Variants in RNLS observed in about 807,000 individuals in gnomAD.
The protein encoded by RNLS is renalase, FAD dependent amine oxidase.
In RNLS, 39 loss-of-function variants were observed where a neutral mutation model predicts 39.8. The ratio of observed to expected loss-of-function variants is 0.98; its 90% CI spans 0.76 to 1.28. The LOEUF (loss-of-function observed/expected upper bound fraction) is 1.28. RNLS is among the 50% of genes most tolerant of loss of function. The pLI is 0.00. For synonymous variants in RNLS, 147 were observed against 150.7 expected (o/e 0.98, Z 0.18); for missense variants, 410 against 413.3 (o/e 0.99, Z 0.07).
At chr10:88,563,514 T>A (rs1395624403) in intron 4 of RNLS, among the ~76,000 whole-genome samples, 1 of 152,126 alleles carries the variant, frequency 6.6e-6, no homozygotes, top group African/African-American at 2.4e-5. Flanking sequence ...TATACTGTAA[T>A]ATAGTTTTGA....
chr10:88,472,800 T>A (rs1336506068), intron 4 of RNLS, among the ~76,000 whole-genome samples: 1 of 152,118 alleles, frequency 6.6e-6, no homozygotes, highest in Non-Finnish European at 1.5e-5. Flanking sequence ...TGAATTCAAG[T>A]CTCTAGCACA....
chr10:88,451,570 T>C (rs1288432009), intron 4 of RNLS, among the ~76,000 whole-genome samples: 1 of 152,192 alleles, frequency 6.6e-6, no homozygotes, highest in African/African-American at 2.4e-5. Flanking sequence ...CTGGGTAATA[T>C]GCAATGTAAA....
chr10:88,237,443 C>A, the RNLS span, among the ~76,000 whole-genome samples: 2 of 152,068 alleles, frequency 1.3e-5, no homozygotes, highest in Non-Finnish European at 2.9e-5. Context: ...TGTCATGAGC[C>A]TATTAGACAT....
the RNLS span, among the ~76,000 whole-genome samples, chr10:88,240,162 T>A: frequency 1.2e-4 from 18 of 152,264 alleles, no homozygotes; most frequent in Non-Finnish European, 2.6e-4. Flanking sequence ...AACTCTACAT[T>A]TTCTATATAC....
At chr10:88,376,928 A>G (rs1308179446) in intron 4 of RNLS, among the ~76,000 whole-genome samples, 2 of 152,146 alleles carry the variant, frequency 1.3e-5, no homozygotes, top group Non-Finnish European at 2.9e-5. Flanking sequence ...TAAAAATACT[A>G]CCATATAAAC....
chr10:88,295,725 G>A (rs1384324169), intron 6 of RNLS, among the ~76,000 whole-genome samples: 1 of 152,138 alleles, frequency 6.6e-6, no homozygotes, highest in African/African-American at 2.4e-5. Flanking sequence ...GGTAGATGCA[G>A]GCAGAATGTG....
chr10:88,497,950 A>G (rs1012383352), intron 4 of RNLS, among the ~76,000 whole-genome samples: 1 of 152,072 alleles, frequency 6.6e-6, no homozygotes, highest in African/African-American at 2.4e-5. Flanking sequence ...AGAGAAAAAA[A>G]AAAACCCAAA....
At chr10:88,490,903 CAT>C (rs981061287) in intron 4 of RNLS, among the ~76,000 whole-genome samples, 2 of 152,056 alleles carry the variant, frequency 1.3e-5, no homozygotes, top group African/African-American at 2.4e-5. Context: ...AATAAATTAA[CAT>C]AGACTATCAA....
chr10:88,397,734 A>T (rs1852650151), intron 4 of RNLS, among the ~76,000 whole-genome samples: 1 of 151,986 alleles, frequency 6.6e-6, no homozygotes, highest in African/African-American at 2.4e-5. Context: ...TAACAAGCTT[A>T]TTTTAAAAGT....
chr10:88,437,034 T>C (rs957898296), intron 4 of RNLS, among the ~76,000 whole-genome samples: 3 of 152,266 alleles, frequency 2.0e-5, no homozygotes, highest in Non-Finnish European at 4.4e-5. Flanking sequence ...GTTTGGGGGC[T>C]AATGTATAAT....
intron 4 of RNLS, among the ~76,000 whole-genome samples, chr10:88,571,026 C>T (rs1849799431): frequency 6.6e-6 from 1 of 150,588 alleles, no homozygotes; most frequent in Admixed American, 6.6e-5. Flanking sequence ...CTCTGTCACC[C>T]AGGCTAGAGG....
intron 4 of RNLS, among the ~76,000 whole-genome samples, chr10:88,424,536 C>A (rs1854598704): frequency 6.6e-6 from 1 of 152,098 alleles, no homozygotes. Flanking sequence ...AAAGAGATGG[C>A]TCTATGCCCA....
At chr10:88,271,723 G>A (rs1283534592), downstream of RNLS, among the ~76,000 whole-genome samples, 1 of 152,182 alleles carries the variant, frequency 6.6e-6, no homozygotes, top group African/African-American at 2.4e-5. Flanking sequence ...TGGTTGCCAA[G>A]TATGGGTTGC....
chr10:88,471,268 A>G lies in RNLS; in HGVS notation c.526+101635T>C, dbSNP rs1843504364. ...TTAATAGATAACTGAATTATTTCCA[A>G]TTTTGACTTCAATAAATAAGACTGC... is the stretch of plus-strand genomic sequence containing the variant. On this transcript the variant is annotated intron_variant, in intron 4 of 6. Coordinates refer to ENST00000331772, the MANE Select transcript of RNLS (RefSeq NM_001031709.3). Among the ~76,000 whole-genome samples, 2 of 152,154 alleles carry G rather than the reference A, an allele frequency of 1.3e-5. 1 individual carries two copies. The highest frequency in any genetic ancestry group is 1.3e-4 in the Admixed American group (2 of 15,266).
intron 4 of RNLS, among the ~76,000 whole-genome samples, chr10:88,438,267 T>C (rs1841523947): frequency 6.6e-6 from 1 of 152,126 alleles, no homozygotes; most frequent in African/African-American, 2.4e-5. Context: ...ATTGACACTC[T>C]GACGATGGCA....
intron 4 of RNLS, among the ~76,000 whole-genome samples, chr10:88,424,614 T>G (rs1282563782): frequency 6.6e-6 from 1 of 152,110 alleles, no homozygotes; most frequent in African/African-American, 2.4e-5. Context: ...AAATGGGACT[T>G]GATTCTCCTT....
chr10:88,549,440 C>T (rs1848506341), intron 4 of RNLS, among the ~76,000 whole-genome samples: 1 of 151,534 alleles, frequency 6.6e-6, no homozygotes. Flanking sequence ...GTGGTATGCA[C>T]CTATAGTCCC....
intron 1 of RNLS, among the ~76,000 whole-genome samples, chr10:88,582,573 T>C (rs1194013243): frequency 6.6e-6 from 1 of 152,174 alleles, no homozygotes; most frequent in Non-Finnish European, 1.5e-5. Flanking sequence ...TCAGAATAAA[T>C]GAGTCAACTA....
At chr10:88,561,213 G>A (rs1019771324) in intron 4 of RNLS, among the ~76,000 whole-genome samples, 2 of 152,152 alleles carry the variant, frequency 1.3e-5, no homozygotes, top group African/African-American at 4.8e-5. Flanking sequence ...TAGACATGGA[G>A]TTCAACATAG....
Sources: allele counts gnomAD v4.1 joint callset (sites outside exome capture counted in the v4.1 genomes callset), GRCh38; gene constraint gnomAD v4.1.1; transcripts MANE v1.5; gene names NCBI Gene and HGNC (gene_info 2026-07-23, HGNC 2026-07-21).